The following KIF13B variants were observed in gnomAD, a reference collection of about 807,000 sequenced individuals.
KIF13B encodes kinesin-like protein KIF13B.
A neutral mutation model predicts 222.0 loss-of-function variants in KIF13B; 127 were observed. That is an observed-to-expected ratio of 0.57 (90% CI 0.50 to 0.66). The LOEUF is 0.66. KIF13B is among the 30% of genes least tolerant of loss of function. KIF13B has a pLI of 0.00. For missense variants in KIF13B, 2,173 were observed against 2,379.0 expected (o/e 0.91, Z 1.80); for synonymous variants, 976 against 919.0 (o/e 1.06, Z -1.12).
chr8:29,072,340 G>A, intron 38 of KIF13B, 24 bp from the exon 39 acceptor site: 2 of 1,374,772 alleles, frequency 1.5e-6, no homozygotes, highest in Non-Finnish European at 1.9e-6. Flanking sequence ...GGGAAGCAGG[G>A]GCTGAGAACA....
intron 37 of KIF13B, among the ~76,000 whole-genome samples, chr8:29,088,180 C>G (rs1013585291): frequency 8.6e-5 from 13 of 151,772 alleles, no homozygotes; most frequent in African/African-American, 3.1e-4. Flanking sequence ...GCAGGAGAAT[C>G]ACTTGAACCT....
At chr8:29,239,067 AAAAG>A (rs1164609739) in intron 2 of KIF13B, among the ~76,000 whole-genome samples, 1 of 152,134 alleles carries the variant, frequency 6.6e-6, no homozygotes, top group Admixed American at 6.6e-5. Context: ...AACAAAACAG[AAAAG>A]AAAGAAAGAC....
At chr8:29,180,624 ATAACT>A (rs1374381214) in intron 7 of KIF13B, among the ~76,000 whole-genome samples, 1 of 152,196 alleles carries the variant, frequency 6.6e-6, no homozygotes, top group Non-Finnish European at 1.5e-5. Flanking sequence ...AGCAACACAA[ATAACT>A]TAAATAACTT....
intron 18 of KIF13B, among the ~76,000 whole-genome samples, chr8:29,143,900 C>T (rs1371525971): frequency 2.0e-5 from 3 of 151,778 alleles, no homozygotes; most frequent in Non-Finnish European, 4.4e-5. Flanking sequence ...GCAAGTATCA[C>T]ACCTCCCCCC....
chr8:29,260,348 A>C (rs1192994826), intron 1 of KIF13B, among the ~76,000 whole-genome samples: 2 of 152,120 alleles, frequency 1.3e-5, no homozygotes, highest in African/African-American at 2.4e-5. Flanking sequence ...TCCAAATATC[A>C]GAGTCTACAC....
chr8:29,220,890 C>T (rs1297947575), intron 2 of KIF13B, among the ~76,000 whole-genome samples: 3 of 152,048 alleles, frequency 2.0e-5, no homozygotes, highest in African/African-American at 4.8e-5. Flanking sequence ...ACAAGTGGAT[C>T]GCTTGAACCC....
At chr8:29,117,541 G>T (rs577903203) in intron 30 of KIF13B, among the ~76,000 whole-genome samples, 118 of 152,198 alleles carry the variant, frequency 7.8e-4, no homozygotes, top group Middle Eastern at 6.8e-3. Flanking sequence ...ACTCTAATCT[G>T]CAATAGCTCC....
chr8:29,187,961 C>T (rs537932659), intron 5 of KIF13B, among the ~76,000 whole-genome samples: 2 of 152,254 alleles, frequency 1.3e-5, no homozygotes, highest in South Asian at 2.1e-4. Context: ...GAGCTGTCGC[C>T]GCCTGGCCCC....
intron 18 of KIF13B, chr8:29,146,026 A>T: frequency 2.2e-6 from 1 of 461,478 alleles, no homozygotes; most frequent in South Asian, 3.2e-5. Flanking sequence ...TAACTTGTGG[A>T]GAAGGGGTTG....
chr8:29,195,630 C>A (rs536195322), intron 3 of KIF13B, among the ~76,000 whole-genome samples: 1 of 152,292 alleles, frequency 6.6e-6, no homozygotes, highest in African/African-American at 2.4e-5. Flanking sequence ...AGACTTTGTG[C>A]CCACTTCAAG....
chr8:29,071,594 TG>T lies in KIF13B; in HGVS notation c.5218+25del, dbSNP rs1807276913. 1.3e-6 allele frequency: 2 copies of T among 1,537,562 alleles called. No homozygotes were observed. Among genetic ancestry groups the T allele is most frequent in the Non-Finnish European group, 1.8e-6 (2 of 1,140,252 alleles). ...CTTCCCCAGACCCCCGGCACCACCC[TG>T]GAGCCCGGAGTGCCCGGTACCCACC... On this transcript the variant is annotated intron_variant, in intron 39 of 39. Coordinates refer to ENST00000524189, the MANE Select transcript of KIF13B (RefSeq NM_015254.4). The surrounding 1 kb of genome is among the most constrained non-coding windows in gnomAD (Gnocchi z 4.9).
In KIF13B at chr8:29,191,055, C is replaced by T; in HGVS notation, c.165G>A (p.Val55=). The change falls in exon 4 of 40, where the codon GTG becomes GTA. Residue 55 remains valine (V), a splice_region_variant and synonymous_variant. Transcript: ENST00000524189. ...ACCAGAAACAATGATCATAAGCAAA[C>T]ACCTGTTGAAAATGAACATAAGTGT... ...SKGDARGQPK[V]FAYDHCFWSM... 1 of 1,607,198 alleles carries T rather than the reference C, an allele frequency of 6.2e-7. No homozygotes were observed. Among genetic ancestry groups the T allele is most frequent in the Non-Finnish European group, 8.5e-7 (1 of 1,176,176 alleles).
intron 1 of KIF13B, among the ~76,000 whole-genome samples, chr8:29,255,381 A>G (rs1246386366): frequency 6.6e-6 from 1 of 152,170 alleles, no homozygotes; most frequent in African/African-American, 2.4e-5. Context: ...CTACACATTC[A>G]CTACTCAGAA....
intron 14 of KIF13B, among the ~76,000 whole-genome samples, chr8:29,154,888 T>C (rs916602943): frequency 6.6e-6 from 1 of 152,206 alleles, no homozygotes; most frequent in African/African-American, 2.4e-5. Context: ...TTGAAGACTT[T>C]ATGGATAAAA....
chr8:29,148,873 T>C (rs377070980), intron 15 of KIF13B, 106 bp from the exon 16 acceptor site: 14 of 815,646 alleles, frequency 1.7e-5, no homozygotes, highest in South Asian at 9.9e-5. Flanking sequence ...ACCATGTAAG[T>C]ACAAGGCAAT....
intron 10 of KIF13B, among the ~76,000 whole-genome samples, chr8:29,173,720 G>C (rs1812352136): frequency 6.6e-6 from 1 of 152,006 alleles, no homozygotes; most frequent in African/African-American, 2.4e-5. Flanking sequence ...GAGGCGGGTG[G>C]ATCACTTGAG....
intron 35 of KIF13B, among the ~76,000 whole-genome samples, chr8:29,106,557 G>C (rs776580460): frequency 6.7e-6 from 1 of 149,236 alleles, no homozygotes; most frequent in Non-Finnish European, 1.5e-5. Flanking sequence ...ACTTGAACCT[G>C]GGAGGCAGAA....
chr8:29,186,829 C>T (rs1217767934), intron 5 of KIF13B, among the ~76,000 whole-genome samples: 2 of 151,590 alleles, frequency 1.3e-5, no homozygotes, highest in African/African-American at 2.4e-5. Flanking sequence ...ATTAGCCATG[C>T]GTGACGGCAC....
At chr8:29,262,853 G>A in intron 1 of KIF13B, 127 bp downstream of exon 1, 2 of 650,220 alleles carry the variant, frequency 3.1e-6, no homozygotes, top group Non-Finnish European at 4.9e-6. Flanking sequence ...GGGTCCCCGG[G>A]CCCCTCCTCG....
Sources: allele counts gnomAD v4.1 joint callset (sites outside exome capture counted in the v4.1 genomes callset), GRCh38; gene constraint gnomAD v4.1.1; non-coding constraint Gnocchi (gnomAD v3.1); transcripts MANE v1.5; gene names NCBI Gene and HGNC (gene_info 2026-07-23, HGNC 2026-07-21).